Variants in HIRA observed in about 807,000 individuals in gnomAD.
HIRA encodes the protein histone cell cycle regulator.
A neutral mutation model predicts 126.6 loss-of-function variants in HIRA; 13 were observed. The ratio of observed to expected loss-of-function variants is 0.10; its 90% confidence interval spans 0.07 to 0.16. The LOEUF (loss-of-function observed/expected upper bound fraction) is 0.16, where lower values mean the gene tolerates loss of function less well. HIRA is among the 10% of genes least tolerant of loss of function. The pLI is 1.00. For missense variants in HIRA, 834 were observed against 1,314.4 expected (o/e 0.63, Z 5.65); for synonymous variants, 511 against 520.0 (o/e 0.98, Z 0.24).
intron 1 of HIRA, among the ~76,000 whole-genome samples, chr22:19,412,387 A>AC (rs2089360697): frequency 6.6e-6 from 1 of 152,228 alleles, no homozygotes; most frequent in Non-Finnish European, 1.5e-5. Context: ...CAAGCTGCAG[A>AC]ATTATGAGCA....
rs2088761791 is a variant in HIRA, at chr22:19,351,854, C to T, written c.2849-408G>A. ...GGTCAGGAGGGTGGGACGGCCAGCCCGCAGGAGGTAAGAGATGGCAAAGGC... is the reference window on the plus strand; with the variant it reads ...GGTCAGGAGGGTGGGACGGCCAGCCTGCAGGAGGTAAGAGATGGCAAAGGC... On this transcript the variant is annotated intron_variant, in intron 23 of 24. Transcript: ENST00000263208. The surrounding 1 kb of genome is among the most constrained non-coding windows in gnomAD (Gnocchi z 4.8). Among the ~76,000 whole-genome samples, 1 of 151,898 alleles carries T rather than the reference C, an allele frequency of 6.6e-6. No homozygotes were observed. The highest frequency in any genetic ancestry group is 1.5e-5 in the Non-Finnish European group (1 of 67,988).
chr22:19,354,204 G>A (rs2088787795), intron 21 of HIRA, 86 bp from the exon 22 acceptor site: 3 of 1,408,512 alleles, frequency 2.1e-6, no homozygotes, highest in Non-Finnish European at 1.9e-6. Context: ...CTGGCAAAGA[G>A]GCCACAGAGA....
At chr22:19,377,411 G>A (rs2089029560) in intron 14 of HIRA, among the ~76,000 whole-genome samples, 1 of 152,230 alleles carries the variant, frequency 6.6e-6, no homozygotes, top group South Asian at 2.1e-4. Flanking sequence ...CAATGGGTGA[G>A]GACACAGGCT....
chr22:19,407,095 CA>C (rs1292774898), intron 4 of HIRA, 88 bp downstream of exon 4: 17 of 1,063,270 alleles, frequency 1.6e-5, no homozygotes, highest in Non-Finnish European at 2.3e-5. Flanking sequence ...ATGGGAACTT[CA>C]GTGACAGGGT....
At chr22:19,342,767 G>T (rs1306660072) in intron 24 of HIRA, among the ~76,000 whole-genome samples, 4 of 152,210 alleles carry the variant, frequency 2.6e-5, no homozygotes, top group Non-Finnish European at 5.9e-5. Flanking sequence ...CAGAGGAAAA[G>T]AAGTCATTAT....
At chr22:19,400,923 T>C (rs966766015) in intron 5 of HIRA, among the ~76,000 whole-genome samples, 1 of 151,972 alleles carries the variant, frequency 6.6e-6, no homozygotes, top group African/African-American at 2.4e-5. Flanking sequence ...TGCTCCTAGC[T>C]CACCCTCAGC....
chr22:19,361,297 A>G lies in HIRA; in HGVS notation c.2025T>C (p.Ser675=), dbSNP rs759040647. Residue 675 remains serine, a synonymous_variant, in exon 17 of 25, where the codon TCT becomes TCC. Coordinates refer to ENST00000263208, the MANE Select transcript of HIRA (RefSeq NM_003325.4). ...GCAGCTTCAGTGCAAGTGCTGGTGC[A>G]GACAGACACATGGCCTCCTTCTCTG... The part of the protein sequence containing the change: ...LTAEKEAMCL[S]APALALKLPI... 6.2e-7 allele frequency: 1 copy of G among 1,614,238 alleles called. No homozygotes were observed. The highest frequency in any genetic ancestry group is 1.7e-5 in the Admixed American group (1 of 60,024).
At chr22:19,362,012 A>C (rs577218601) in intron 15 of HIRA, 81 bp from the exon 16 acceptor site, 2 of 1,360,718 alleles carry the variant, frequency 1.5e-6, no homozygotes, top group African/African-American at 2.9e-5. Flanking sequence ...TAAAGTGCTT[A>C]AACAAACCTC....
At chr22:19,421,434 T>C (rs2089445615) in intron 1 of HIRA, among the ~76,000 whole-genome samples, 1 of 152,164 alleles carries the variant, frequency 6.6e-6, no homozygotes, top group Non-Finnish European at 1.5e-5. Context: ...GTTAAAGTCT[T>C]AAAAAAATTC....
chr22:19,406,664 A>G (rs1941544351), intron 4 of HIRA, among the ~76,000 whole-genome samples: 1 of 152,196 alleles, frequency 6.6e-6, no homozygotes, highest in African/African-American at 2.4e-5. Flanking sequence ...TTGGTGAGCA[A>G]TGGTGCAGGG....
At chr22:19,424,098 C>T (rs1245034607) in intron 1 of HIRA, among the ~76,000 whole-genome samples, 5 of 152,252 alleles carry the variant, frequency 3.3e-5, no homozygotes, top group Admixed American at 3.3e-4. Context: ...TCAACATTTA[C>T]TGAGTGACTA....
At chr22:19,414,148 A>T (rs1237065554) in intron 1 of HIRA, among the ~76,000 whole-genome samples, 2 of 152,184 alleles carry the variant, frequency 1.3e-5, no homozygotes, top group African/African-American at 4.8e-5. Flanking sequence ...TCAACCCCAG[A>T]TCAGAATGTT....
intron 24 of HIRA, among the ~76,000 whole-genome samples, chr22:19,342,554 T>G (rs1299175513): frequency 6.6e-6 from 1 of 152,146 alleles, no homozygotes; most frequent in Non-Finnish European, 1.5e-5. Context: ...GGTTGGCTAA[T>G]TTTTTGTATT....
Position 19,405,849 on chromosome 22 carries a change from T to C in HIRA, c.334A>G (p.Ser112Gly). The change falls in exon 5 of 25, where the codon AGT becomes GGT. Residue 112 changes from serine to glycine, a missense_variant. Coordinates refer to ENST00000263208, the MANE Select transcript of HIRA (RefSeq NM_003325.4). ...TGCTCCACATTGGCAAGCTTACCAC[T>C]GGAGCCGAACACGGTGCTGGGGCCG... ...YIGPSTVFGSSGKLANVEQWR... is the reference protein window; with the variant it reads ...YIGPSTVFGSGGKLANVEQWR... 1 of 1,508,440 alleles carries C rather than the reference T, an allele frequency of 6.6e-7. No homozygotes were observed. The highest frequency in any genetic ancestry group is 8.9e-7 in the Non-Finnish European group (1 of 1,122,940). The allele number at this position is 1,508,440 out of a possible 1,614,324, so 93.4% of individuals were successfully genotyped here.
intron 5 of HIRA, among the ~76,000 whole-genome samples, chr22:19,401,164 T>C (rs1296873408): frequency 3.9e-5 from 6 of 152,148 alleles, no homozygotes. Flanking sequence ...ACATGAATAT[T>C]GCACTTGCCT....
chr22:19,380,599 C>T (rs908106131), intron 13 of HIRA, among the ~76,000 whole-genome samples: 1 of 152,042 alleles, frequency 6.6e-6, no homozygotes, highest in Non-Finnish European at 1.5e-5. Flanking sequence ...TTTATTTTTC[C>T]AGATAACTTT....
At chr22:19,346,351 TAAATA>T (rs1486139474) in intron 24 of HIRA, among the ~76,000 whole-genome samples, 2 of 152,128 alleles carry the variant, frequency 1.3e-5, no homozygotes, top group African/African-American at 4.8e-5. Flanking sequence ...AATAAACACA[TAAATA>T]AAATAAAAGA....
intron 1 of HIRA, among the ~76,000 whole-genome samples, chr22:19,417,086 T>G (rs2089404412): frequency 6.6e-6 from 1 of 151,408 alleles, no homozygotes. Context: ...TGTAGTCCTA[T>G]CTACTCTGGA....
At position 19,390,228 on chromosome 22, in the gene HIRA, T is replaced by C. The variant is rs558322873; in HGVS notation, c.937-1674A>G. Among the ~76,000 whole-genome samples the C allele has an allele frequency of 1.1e-4, 17 of 152,084 alleles. 1 individual carries two copies. In the South Asian group the frequency reaches 3.5e-3, roughly 32 times the overall value. ...TTGGGTTCTCACTCGCCAACTACCA[T>C]TGAGTATATCTGCTGAGAACCTGCT... On this transcript the variant is annotated intron_variant, in intron 9 of 24. Coordinates refer to ENST00000263208, the MANE Select transcript of HIRA (RefSeq NM_003325.4).
Sources: gnomAD v4.1 joint callset for allele counts (sites outside exome capture counted in the v4.1 genomes callset) on GRCh38, gnomAD v4.1.1 for gene constraint, Gnocchi (gnomAD v3.1) non-coding constraint, MANE v1.5 for transcripts, NCBI Gene and HGNC (gene_info 2026-07-23, HGNC 2026-07-21) for gene names.